The following CHIA variants were observed in gnomAD, a reference collection of about 807,000 sequenced individuals.
The protein encoded by CHIA is acidic mammalian chitinase.
Under a neutral mutation model 53.5 loss-of-function variants are expected in CHIA, and 47 were observed. The ratio of observed to expected loss-of-function variants is 0.88; its 90% CI spans 0.70 to 1.12. The LOEUF (loss-of-function observed/expected upper bound fraction) is 1.12, where lower values mean the gene tolerates loss of function less well. Ranked by LOEUF, CHIA falls within the 50% of genes most tolerant of loss-of-function variation. The probability of loss-of-function intolerance (pLI) is 0.00; values close to 1 mark genes in which losing one functional copy is unlikely to be tolerated. For missense variants in CHIA, 652 were observed against 592.2 expected (o/e 1.10, Z -1.05); for synonymous variants, 268 against 222.2 (o/e 1.21, Z -1.83).
chr1:111,308,055 T>A (rs1648339424), intron 1 of CHIA, among the ~76,000 whole-genome samples: 1 of 152,250 alleles, frequency 6.6e-6, no homozygotes, highest in African/African-American at 2.4e-5. Context: ...ATACACATGG[T>A]CACAGTTTAA....
chr1:111,293,245 ATTATTTTCT>A (rs1661134223), intron 1 of CHIA, among the ~76,000 whole-genome samples: 4 of 152,186 alleles, frequency 2.6e-5, no homozygotes, highest in African/African-American at 9.6e-5. Flanking sequence ...GTTAACACTT[ATTATTTTCT>A]GTTTTTTGAT....
intron 1 of CHIA, among the ~76,000 whole-genome samples, chr1:111,302,200 A>C (rs1352570466): frequency 6.6e-6 from 1 of 152,140 alleles, no homozygotes; most frequent in Non-Finnish European, 1.5e-5. Context: ...ATCTTCTCAA[A>C]GAACTTTTTA....
At chr1:111,292,671 C>T (rs926501587) in intron 1 of CHIA, among the ~76,000 whole-genome samples, 9 of 152,160 alleles carry the variant, frequency 5.9e-5, no homozygotes, top group Non-Finnish European at 7.3e-5. Flanking sequence ...TGAGCCATCT[C>T]TCCTTTCCAT....
chr1:111,319,299 A>T, intron 10 of CHIA, 28 bp from the exon 11 acceptor site: 5 of 1,614,106 alleles, frequency 3.1e-6, no homozygotes, highest in Non-Finnish European at 4.2e-6. Context: ...AAAGCAAGTG[A>T]TTCCTGTTAT....
intron 5 of CHIA, chr1:111,314,854 T>C: frequency 2.1e-6 from 1 of 486,516 alleles, no homozygotes; most frequent in Non-Finnish European, 3.6e-6. Context: ...AACAACCTCT[T>C]CTTAAAGTAT....
At chr1:111,313,704 C>A (rs1648895359) in intron 4 of CHIA, among the ~76,000 whole-genome samples, 1 of 152,028 alleles carries the variant, frequency 6.6e-6, no homozygotes, top group Admixed American at 6.6e-5. Context: ...CAGTCATATC[C>A]AAAAAATTCT....
At chr1:111,312,934 A>G (rs561941179) in intron 4 of CHIA, among the ~76,000 whole-genome samples, 1 of 152,238 alleles carries the variant, frequency 6.6e-6, no homozygotes, top group East Asian at 1.9e-4. Context: ...TATCTCACTT[A>G]ACATAATATC....
chr1:111,297,370 G>A (rs146838446), intron 1 of CHIA, among the ~76,000 whole-genome samples: 2,369 of 152,250 alleles, frequency 0.016, 39 homozygotes, highest in African/African-American at 0.031. Flanking sequence ...GACTAACAGC[G>A]GATCTCTCTG....
intron 5 of CHIA, chr1:111,314,976 T>C: frequency 4.8e-6 from 2 of 418,212 alleles, no homozygotes; most frequent in South Asian, 3.8e-5. Context: ...TCTTGGAGGG[T>C]ACATGTTTGG....
At chr1:111,311,599 G>T (rs1281635732) in intron 2 of CHIA, 90 bp from the exon 3 acceptor site, 3 of 1,455,062 alleles carry the variant, frequency 2.1e-6, no homozygotes, top group Non-Finnish European at 2.9e-6. Context: ...AACAATTTAT[G>T]GCAAATTGGA....
At chr1:111,309,216 G>T (rs1399638541) in intron 1 of CHIA, among the ~76,000 whole-genome samples, 1 of 152,166 alleles carries the variant, frequency 6.6e-6, no homozygotes, top group Non-Finnish European at 1.5e-5. Flanking sequence ...ACTTCTATTA[G>T]ACTTTCTCTG....
chr1:111,320,191 C>T lies in CHIA; in HGVS notation c.1178-22C>T, dbSNP rs769991985. On this transcript the variant is annotated intron_variant, in intron 11 of 11. Transcript: ENST00000369740. ...AGCCTCTCCCAAGCCCACTAGTCTG[C>T]TCTTACTGCTGTATGTTTCAGGTTG... The T allele has an allele frequency of 5.0e-6, 8 of 1,608,240 alleles. No individual in the cohort carries two copies. The Admixed American group carries it at 1.3e-4, about 27-fold the overall frequency.
At chr1:111,306,681 A>C (rs12068267) in intron 1 of CHIA, among the ~76,000 whole-genome samples, 1,682 of 152,344 alleles carry the variant, frequency 0.011, 33 homozygotes, top group African/African-American at 0.039. Context: ...GTTGGAAAAG[A>C]TATGTTCAAT....
In CHIA at chr1:111,318,577, A is replaced by G. The variant is rs766162560; in HGVS notation, c.814A>G (p.Ile272Val). 1 of 1,614,178 alleles carries G rather than the reference A, an allele frequency of 6.2e-7. No homozygotes were observed. The highest frequency in any genetic ancestry group is 1.1e-5 in the South Asian group (1 of 91,084). Residue 272 changes from isoleucine (I) to valine (V), a missense_variant, in exon 9 of 12, where the codon ATC (isoleucine) becomes GTC (valine). Transcript: ENST00000369740. Reference protein sequence around the residue: ...VGFPTYGHNFILSNPSNTGIG... With the variant: ...VGFPTYGHNFVLSNPSNTGIG... ...ATTCCCTACCTATGGACACAACTTCATCCTGAGCAACCCCTCCAACACTGG... is the reference window on the plus strand; with the variant it reads ...ATTCCCTACCTATGGACACAACTTCGTCCTGAGCAACCCCTCCAACACTGG...
intron 1 of CHIA, among the ~76,000 whole-genome samples, chr1:111,307,107 A>T (rs1008071869): frequency 6.6e-6 from 1 of 152,242 alleles, no homozygotes; most frequent in Non-Finnish European, 1.5e-5. Context: ...AGGTGTAAAC[A>T]CTGGAAAAAC....
At chr1:111,307,487 A>G (rs1648277260) in intron 1 of CHIA, among the ~76,000 whole-genome samples, 1 of 152,250 alleles carries the variant, frequency 6.6e-6, no homozygotes, top group Admixed American at 6.5e-5. Context: ...ATGTGATAAT[A>G]CTATAAATGA....
chr1:111,319,149 T>C lies in CHIA; in HGVS notation c.945T>C (p.Thr315=). 1 of 1,612,816 alleles carries C rather than the reference T, an allele frequency of 6.2e-7. No individual in the cohort carries two copies. The highest frequency in any genetic ancestry group is 8.5e-7 in the Non-Finnish European group (1 of 1,180,004). Residue 315 remains threonine (T), a synonymous_variant, in exon 10 of 12, where the codon ACT becomes ACC. Coordinates refer to ENST00000369740, the MANE Select transcript of CHIA (RefSeq NM_201653.4). ...GTACCTTCCTGAAAAATGGAGCCACTCAGGGATGGGATGCCCCTCAGGAAG... is the reference window on the plus strand; with the variant it reads ...GTACCTTCCTGAAAAATGGAGCCACCCAGGGATGGGATGCCCCTCAGGAAG... ...EICTFLKNGA[T]QGWDAPQEVP...
chr1:111,319,422 TC>T lies in CHIA; in HGVS notation c.1135del (p.Leu379Ter). On this transcript the variant is annotated frameshift_variant, in exon 11 of 12. Coordinates refer to ENST00000369740, the MANE Select transcript of CHIA (RefSeq NM_201653.4). LOFTEE classifies it low-confidence loss of function (END_TRUNC). Reference sequence around the variant, plus strand: ...GCACTTTCTGCAACCAGGGCAAGTTTCCCCTAATCTCCACCCTGAAGAAGGC... The same window carrying T: ...GCACTTTCTGCAACCAGGGCAAGTTTCCCTAATCTCCACCCTGAAGAAGGC... Reference protein sequence around the residue: ...TGTFCNQGKFPLISTLKKALG... With the variant: ...TGTFCNQGKFXLISTLKKALG... 1 of 1,614,140 alleles carries T rather than the reference TC, an allele frequency of 6.2e-7. No individual in the cohort carries two copies. The highest frequency in any genetic ancestry group is 8.5e-7 in the Non-Finnish European group (1 of 1,180,018).
chr1:111,301,151 C>A (rs1285328350), intron 1 of CHIA, among the ~76,000 whole-genome samples: 1 of 152,134 alleles, frequency 6.6e-6, no homozygotes, highest in South Asian at 2.1e-4. Context: ...ATTAGTTCAA[C>A]CATTGTGGAA....
Sources: allele counts gnomAD v4.1 joint callset (sites outside exome capture counted in the v4.1 genomes callset), GRCh38; gene constraint gnomAD v4.1.1; transcripts MANE v1.5; gene names NCBI Gene and HGNC (gene_info 2026-07-23, HGNC 2026-07-21).